The following LRRC4C variants were observed in gnomAD, a reference collection of about 807,000 sequenced individuals.
LRRC4C encodes leucine rich repeat containing 4C, also known as leucine-rich repeat-containing protein 4C.
In LRRC4C, 5 loss-of-function variants were observed where a neutral mutation model predicts 33.6. The ratio of observed to expected loss-of-function variants is 0.15; its 90% CI spans 0.08 to 0.31. The LOEUF is 0.31. LRRC4C is among the 10% of genes least tolerant of loss of function. LRRC4C has a pLI of 1.00. For synonymous variants in LRRC4C, 329 were observed against 302.0 expected (o/e 1.09, Z -0.93); for missense variants, 560 against 796.7 (o/e 0.70, Z 3.58).
intron 1 of LRRC4C, among the ~76,000 whole-genome samples, chr11:41,189,481 G>T (rs536538964): frequency 2.6e-5 from 4 of 152,180 alleles, no homozygotes; most frequent in African/African-American, 4.8e-5. Context: ...GTCTGCCACA[G>T]TGATAAGGAG....
chr11:40,403,385 T>C (rs975645385), intron 3 of LRRC4C, among the ~76,000 whole-genome samples: 9 of 152,076 alleles, frequency 5.9e-5, no homozygotes, highest in African/African-American at 2.2e-4. Context: ...TAGAAAATAA[T>C]CTTCTTTCAT....
At chr11:40,444,652 A>G (rs1340798900) in intron 3 of LRRC4C, among the ~76,000 whole-genome samples, 1 of 152,180 alleles carries the variant, frequency 6.6e-6, no homozygotes, top group East Asian at 1.9e-4. Context: ...GATCAATAAG[A>G]TGGCCTGCCT....
intron 6 of LRRC4C, 72 bp from the exon 7 acceptor site, chr11:40,116,406 G>T (rs954094762): frequency 3.6e-5 from 52 of 1,439,974 alleles, no homozygotes; most frequent in Non-Finnish European, 4.4e-5. Flanking sequence ...GAGTAATGTC[G>T]GTGATATAGT....
intron 2 of LRRC4C, among the ~76,000 whole-genome samples, chr11:40,791,642 A>T (rs1290883632): frequency 1.3e-5 from 2 of 152,210 alleles, no homozygotes; most frequent in Non-Finnish European, 2.9e-5. Flanking sequence ...CCTTTTGTAT[A>T]TGAAACATGC....
intron 1 of LRRC4C, among the ~76,000 whole-genome samples, chr11:41,231,043 G>A (rs1947768328): frequency 6.6e-6 from 1 of 152,046 alleles, no homozygotes; most frequent in Admixed American, 6.5e-5. Flanking sequence ...TCAGAGAAAT[G>A]CAAATCAAAA....
intron 2 of LRRC4C, among the ~76,000 whole-genome samples, chr11:40,856,154 G>A (rs1054313475): frequency 2.0e-5 from 3 of 152,106 alleles, no homozygotes; most frequent in Admixed American, 2.0e-4. Context: ...ATTACTGTAT[G>A]AAAAAACTTT....
chr11:40,909,530 G>T (rs943343814), intron 2 of LRRC4C, among the ~76,000 whole-genome samples: 2 of 151,934 alleles, frequency 1.3e-5, no homozygotes, highest in Non-Finnish European at 2.9e-5. Context: ...CATTTAGGGT[G>T]GTATATTCAC....
intron 2 of LRRC4C, among the ~76,000 whole-genome samples, chr11:40,730,383 T>C (rs1322065521): frequency 6.6e-6 from 1 of 152,196 alleles, no homozygotes; most frequent in Non-Finnish European, 1.5e-5. Flanking sequence ...CCAAACGTTA[T>C]GCATGCAAAT....
intron 3 of LRRC4C, among the ~76,000 whole-genome samples, chr11:40,392,095 C>T (rs913976357): frequency 5.3e-5 from 8 of 151,996 alleles, no homozygotes; most frequent in African/African-American, 1.9e-4. Flanking sequence ...CTGGGAAAGG[C>T]AGACACAGTA....
At chr11:40,865,931 GA>G (rs931355794) in intron 2 of LRRC4C, among the ~76,000 whole-genome samples, 22 of 149,824 alleles carry the variant, frequency 1.5e-4, no homozygotes, top group African/African-American at 5.4e-4. Flanking sequence ...ATATGAGTTT[GA>G]AAAAAAAATC....
chr11:40,530,600 A>G (rs1345480318), intron 3 of LRRC4C, among the ~76,000 whole-genome samples: 1 of 152,208 alleles, frequency 6.6e-6, no homozygotes, highest in Admixed American at 6.6e-5. Context: ...CTAGGAATAA[A>G]CTTCAACAAT....
At chr11:40,339,331 T>TA (rs1396971148) in intron 3 of LRRC4C, among the ~76,000 whole-genome samples, 2 of 152,084 alleles carry the variant, frequency 1.3e-5, no homozygotes, top group Admixed American at 6.6e-5. Context: ...GGTTATAGAA[T>TA]AAAAAAACAC....
intron 3 of LRRC4C, among the ~76,000 whole-genome samples, chr11:40,515,811 G>A (rs58008998): frequency 0.065 from 9,819 of 152,064 alleles, 828 homozygotes; most frequent in African/African-American, 0.2. Context: ...TCCTCATGAA[G>A]TACTGTGGCC....
At chr11:41,308,402 A>T (rs1172104711) in intron 1 of LRRC4C, among the ~76,000 whole-genome samples, 3 of 152,150 alleles carry the variant, frequency 2.0e-5, no homozygotes. Flanking sequence ...CCGGCAGTAG[A>T]ACGTGACATT....
chr11:40,941,380 T>C (rs1958137929), intron 1 of LRRC4C, among the ~76,000 whole-genome samples: 1 of 152,074 alleles, frequency 6.6e-6, no homozygotes, highest in South Asian at 2.1e-4. Flanking sequence ...CACATAGATT[T>C]TATGTTAAAT....
chr11:40,359,788 C>G (rs772470087), intron 3 of LRRC4C, among the ~76,000 whole-genome samples: 1 of 152,074 alleles, frequency 6.6e-6, no homozygotes, highest in African/African-American at 2.4e-5. Context: ...TTTCCATGAG[C>G]ATTTTATGCC....
intron 1 of LRRC4C, among the ~76,000 whole-genome samples, chr11:41,106,978 C>T (rs1941537861): frequency 6.6e-6 from 1 of 151,154 alleles, no homozygotes; most frequent in Admixed American, 6.6e-5. Context: ...GCACCATGTA[C>T]TCTAGCTTGG....
At chr11:40,173,831 A>G (rs1860250150) in intron 5 of LRRC4C, among the ~76,000 whole-genome samples, 1 of 152,208 alleles carries the variant, frequency 6.6e-6, no homozygotes, top group South Asian at 2.1e-4. Flanking sequence ...GAGAAACTTG[A>G]TTGCAGGTAT....
chr11:41,400,726 G>T (rs546922139), intron 1 of LRRC4C, among the ~76,000 whole-genome samples: 90 of 151,956 alleles, frequency 5.9e-4, no homozygotes, highest in African/African-American at 2.0e-3. Context: ...ATTTGCAAAT[G>T]AAACTGCCAT....
Sources: gnomAD v4.1 joint callset for allele counts (sites outside exome capture counted in the v4.1 genomes callset) on GRCh38, gnomAD v4.1.1 for gene constraint, MANE v1.5 for transcripts, NCBI Gene and HGNC (gene_info 2026-07-23, HGNC 2026-07-21) for gene names.